The following TBC1D22A variants were observed in gnomAD, a reference collection of about 807,000 sequenced individuals.
The protein encoded by TBC1D22A is TBC1 domain family member 22A.
TBC1D22A carries 38 observed loss-of-function variants against 60.2 expected under a neutral mutation model. The ratio of observed to expected loss-of-function variants is 0.63; its 90% CI spans 0.49 to 0.83. The LOEUF is 0.83. TBC1D22A is among the 40% of genes least tolerant of loss of function. TBC1D22A has a pLI of 0.00. For missense variants in TBC1D22A, 628 were observed against 701.0 expected (o/e 0.90, Z 1.18); for synonymous variants, 302 against 281.7 (o/e 1.07, Z -0.72).
At chr22:46,796,019 G>A (rs4491829) in intron 3 of TBC1D22A, among the ~76,000 whole-genome samples, 2 of 151,978 alleles carry the variant, frequency 1.3e-5, no homozygotes, top group Admixed American at 1.3e-4. Flanking sequence ...CAGTAAGGCC[G>A]GCAGCGGAAA....
At chr22:47,042,401 T>TGAGA (rs57730619) in intron 11 of TBC1D22A, among the ~76,000 whole-genome samples, 80 of 149,638 alleles carry the variant, frequency 5.3e-4, no homozygotes, top group Middle Eastern at 6.8e-3. Context: ...CCAGCCTGTA[T>TGAGA]GAGAGAGAGA....
At chr22:46,963,352 A>C (rs2073627264) in intron 8 of TBC1D22A, among the ~76,000 whole-genome samples, 1 of 151,960 alleles carries the variant, frequency 6.6e-6, no homozygotes, top group Admixed American at 6.6e-5. Flanking sequence ...TGCTCATCAC[A>C]CTGCCTGCCC....
chr22:47,083,348 GACAC>G (rs10549216), intron 11 of TBC1D22A, among the ~76,000 whole-genome samples: 6,544 of 148,568 alleles, frequency 0.044, 222 homozygotes, highest in African/African-American at 0.088. Context: ...ATACTTAGAA[GACAC>G]ACACACACAC....
intron 11 of TBC1D22A, among the ~76,000 whole-genome samples, chr22:47,044,054 C>A (rs2062950726): frequency 6.6e-6 from 1 of 152,340 alleles, no homozygotes; most frequent in South Asian, 2.1e-4. Flanking sequence ...GGCAGCTGGG[C>A]ACTGGGGTGG....
chr22:46,976,554 C>T lies in TBC1D22A; in HGVS notation c.1125+2155C>T, dbSNP rs549507144. Among the ~76,000 whole-genome samples the T allele has an allele frequency of 6.6e-5, 10 of 152,312 alleles. No individual in the cohort carries two copies. In the South Asian group the frequency reaches 8.3e-4, roughly 13 times the overall value. ...GAGGCTATGTACTCACTTAAAACCA[C>T]GGCAACACGCAGACCGGCGTGTCAG... On this transcript the variant is annotated intron_variant, in intron 9 of 12. Transcript: ENST00000337137.
At chr22:46,972,966 C>G (rs1041119629) in intron 8 of TBC1D22A, among the ~76,000 whole-genome samples, 6 of 152,226 alleles carry the variant, frequency 3.9e-5, no homozygotes, top group African/African-American at 1.4e-4. Context: ...TGTCCAGGCC[C>G]TCGAGCGCCC....
chr22:46,802,665 G>A (rs9626902), intron 4 of TBC1D22A, among the ~76,000 whole-genome samples: 1,547 of 152,286 alleles, frequency 0.01, 23 homozygotes, highest in African/African-American at 0.035. Context: ...AGTAAAGCGC[G>A]GTGCAGAGCA....
At chr22:46,858,842 A>G (rs982307861) in intron 4 of TBC1D22A, among the ~76,000 whole-genome samples, 1 of 152,228 alleles carries the variant, frequency 6.6e-6, no homozygotes, top group South Asian at 2.1e-4. Context: ...CACTGTGGCA[A>G]ATTACTAAAA....
intron 10 of TBC1D22A, among the ~76,000 whole-genome samples, chr22:47,013,009 T>C (rs2148306753): frequency 1.3e-5 from 2 of 152,324 alleles, no homozygotes; most frequent in South Asian, 4.1e-4. Flanking sequence ...ACAGCCGAGC[T>C]GGGGTGGACC....
chr22:46,829,725 CA>C (rs759786371), intron 4 of TBC1D22A, among the ~76,000 whole-genome samples: 39 of 152,312 alleles, frequency 2.6e-4, no homozygotes, highest in Admixed American at 4.6e-4. Context: ...TCTATGCCTC[CA>C]AAAGGTCTTC....
intron 10 of TBC1D22A, among the ~76,000 whole-genome samples, chr22:47,007,735 A>G (rs1001110120): frequency 2.0e-5 from 3 of 152,154 alleles, no homozygotes; most frequent in Non-Finnish European, 2.9e-5. Flanking sequence ...GAGAGCAAGC[A>G]GGAGCTCTCT....
intron 10 of TBC1D22A, among the ~76,000 whole-genome samples, chr22:47,027,552 T>C (rs760066753): frequency 2.0e-5 from 3 of 152,132 alleles, no homozygotes; most frequent in Admixed American, 6.5e-5. Context: ...CCTCATGGCT[T>C]AGCCTGGTTG....
Position 46,777,914 on chromosome 22 carries a change from C to T in TBC1D22A, c.63-14606C>T, listed in dbSNP as rs1439888136. On this transcript the variant is annotated intron_variant, in intron 1 of 12. Coordinates refer to ENST00000337137, the MANE Select transcript of TBC1D22A (RefSeq NM_014346.5). The surrounding 1 kb of genome is among the most constrained non-coding windows in gnomAD (Gnocchi z 4.5). ...CCCAGGTAGAGTTAGCGCAGTGTCG[C>T]CTGCTGCACACCTAGGCTGTACGGC... Among the ~76,000 whole-genome samples the T allele has an allele frequency of 6.6e-6, 1 of 152,192 alleles. No homozygotes were observed. The highest frequency in any genetic ancestry group is 2.4e-5 in the African/African-American group (1 of 41,438).
At position 46,956,136 on chromosome 22, in the gene TBC1D22A, G is replaced by A. The variant is rs5769278; in HGVS notation, c.1016-18154G>A. On this transcript the variant is annotated intron_variant, in intron 8 of 12. Coordinates refer to ENST00000337137, the MANE Select transcript of TBC1D22A (RefSeq NM_014346.5). ...AATGTGTGTGTGTGTGTGAATGTTA[G>A]GGGGCTGAATTGCTTCCCCAGAATT... is the stretch of plus-strand genomic sequence containing the variant. Among the ~76,000 whole-genome samples the A allele has an allele frequency of 3.7e-4, 56 of 152,164 alleles. 1 individual carries two copies. The highest frequency in any genetic ancestry group is 2.5e-4 in the Non-Finnish European group (17 of 68,028).
Position 47,042,810 on chromosome 22 carries a change from GGC to G in TBC1D22A, c.1329+5613_1329+5614del, listed in dbSNP as rs138006811. Among the ~76,000 whole-genome samples the G allele has an allele frequency of 6.7e-3, 1,023 of 152,360 alleles. 17 individuals carry two copies. The highest frequency in any genetic ancestry group is 0.024 in the African/African-American group (985 of 41,588). ...TCTGCTGCCGCTGGTGCATCATCAT[GGC>G]ACCTGATCCTTGTTCAGTATCTTAG... On this transcript the variant is annotated intron_variant, in intron 11 of 12. Transcript: ENST00000337137.
intron 12 of TBC1D22A, among the ~76,000 whole-genome samples, chr22:47,151,158 G>C (rs1203952032): frequency 6.6e-6 from 1 of 152,162 alleles, no homozygotes; most frequent in Admixed American, 6.5e-5. Context: ...AGATTCCTGC[G>C]AGCCTGGCTG....
intron 8 of TBC1D22A, among the ~76,000 whole-genome samples, chr22:46,970,199 GGGC>G (rs1404613995): frequency 1.3e-5 from 2 of 152,062 alleles, no homozygotes; most frequent in Non-Finnish European, 2.9e-5. Context: ...CAAGGCCCCG[GGGC>G]CTGAGAGCCG....
At chr22:46,974,245 G>C (rs55986099) in intron 8 of TBC1D22A, 45 bp from the exon 9 acceptor site, 4 of 1,528,246 alleles carry the variant, frequency 2.6e-6, no homozygotes, top group Non-Finnish European at 2.7e-6. Flanking sequence ...TCGAGGTCCC[G>C]TGTGGCTAAG....
At chr22:46,860,560 A>G (rs1337214995) in intron 4 of TBC1D22A, among the ~76,000 whole-genome samples, 2 of 133,142 alleles carry the variant, frequency 1.5e-5, no homozygotes, top group Admixed American at 7.8e-5. Context: ...TCCTTTTTTG[A>G]TAGAGGTCCG....
Sources: allele counts gnomAD v4.1 joint callset (sites outside exome capture counted in the v4.1 genomes callset), GRCh38; gene constraint gnomAD v4.1.1; non-coding constraint Gnocchi (gnomAD v3.1); transcripts MANE v1.5; gene names NCBI Gene and HGNC (gene_info 2026-07-23, HGNC 2026-07-21).